Variants in XPC observed in about 807,000 individuals in gnomAD.
The protein encoded by XPC is DNA repair protein complementing XP-C cells.
XPC carries 76 observed loss-of-function variants against 95.8 expected under a neutral mutation model. The observed-to-expected ratio is 0.79, with a 90% CI of 0.66 to 0.96. XPC has a LOEUF of 0.96. XPC is among the 40% of genes least tolerant of loss of function. XPC has a pLI of 0.00. For synonymous variants in XPC, 442 were observed against 442.1 expected (o/e 1.00, Z 0.00); for missense variants, 1,146 against 1,179.8 (o/e 0.97, Z 0.42).
rs3731153 is a variant in XPC at position 14,152,316 on chromosome 3, A to AC, written c.2115+18dup. The AC allele has an allele frequency of 2.1e-3, 3,389 of 1,607,678 alleles. 10 individuals are homozygous for AC. Among genetic ancestry groups the AC allele is most frequent in the Non-Finnish European group, 2.5e-3 (2,916 of 1,177,242 alleles). On this transcript the variant is annotated intron_variant, in intron 11 of 15. Transcript: ENST00000285021. ...GCCTGTGTCACCACTCCCCACAGGG[A>AC]CCCCCCAGCTCCAGTTACCTTGTAG... is the stretch of plus-strand genomic sequence containing the variant.
intron 11 of XPC, chr3:14,149,544 C>G (rs1428045034): frequency 6.6e-6 from 1 of 152,266 alleles, no homozygotes; most frequent in Non-Finnish European, 1.5e-5. Context: ...TCACTACAAC[C>G]TCCACCTCCC....
intron 10 of XPC, among the ~76,000 whole-genome samples, chr3:14,155,741 G>A (rs2125020763): frequency 6.6e-6 from 1 of 152,236 alleles, no homozygotes; most frequent in South Asian, 2.1e-4. Flanking sequence ...TGTATTTTTA[G>A]TAGAGACAGG....
chr3:14,159,636 C>G (rs1006181497), intron 8 of XPC, 105 bp downstream of exon 8: 2 of 1,191,350 alleles, frequency 1.7e-6, no homozygotes, highest in Non-Finnish European at 2.4e-6. Flanking sequence ...AGAACCCACA[C>G]TCCGTGAATA....
At chr3:14,164,547 G>C in intron 7 of XPC, 1 of 328,456 alleles carries the variant, frequency 3.0e-6, no homozygotes, top group East Asian at 5.5e-5. Context: ...CGGGCTTTTT[G>C]GTACACCACA....
In XPC at chr3:14,145,935, C is replaced by A; in HGVS notation, c.*6G>T. The A allele has an allele frequency of 1.9e-6, 3 of 1,599,952 alleles. No individual in the cohort carries two copies. The highest frequency in any genetic ancestry group is 1.7e-6 in the Non-Finnish European group (2 of 1,169,448). On this transcript the variant is annotated 3_prime_UTR_variant, in exon 16 of 16. Transcript: ENST00000285021. ...CTGGTGGGTGCCCCTCTAGTGGGCG[C>A]TCAGCTCACAGCTGCTCAAATGGGA...
At position 14,170,509 on chromosome 3, in the gene XPC, C is replaced by G; in HGVS notation, c.341G>C (p.Arg114Thr). The change falls in exon 3 of 16, where the codon AGA (arginine) becomes ACA (threonine). Residue 114 changes from arginine (R) to threonine (T), a missense_variant. Arg to Thr is a moderately conservative substitution (Grantham distance 71, BLOSUM62 -1). Coordinates refer to ENST00000285021, the MANE Select transcript of XPC (RefSeq NM_004628.5). ...GCTGTCTTCATTCATGGTAGCCCCT[C>G]TCTTCAGATGGTGTGCCTTCTTGAG... ...SDLKKAHHLK[R>T]GATMNEDSNE... 1 of 1,613,774 alleles carries G rather than the reference C, an allele frequency of 6.2e-7. No homozygotes were observed. Among genetic ancestry groups the G allele is most frequent in the Non-Finnish European group, 8.5e-7 (1 of 1,179,714 alleles).
Position 14,170,474 on chromosome 3 carries a change from C to CT in XPC, c.375dup (p.Glu126ArgfsTer5), listed in dbSNP as rs1696564961. On this transcript the variant is annotated frameshift_variant, in exon 3 of 16. Coordinates refer to ENST00000285021, the MANE Select transcript of XPC (RefSeq NM_004628.5). LOFTEE classifies it high-confidence loss of function. ...TCCCAATCATTTTCACTTTCTTCCT[C>CT]TTCTTCATTGCTGTCTTCATTCATG... 6.2e-7 allele frequency: 1 copy of CT among 1,613,848 alleles called. No individual in the cohort carries two copies. Among genetic ancestry groups the CT allele is most frequent in the East Asian group, 2.2e-5 (1 of 44,862 alleles).
rs772673679 is a variant in XPC, at chr3:14,148,819, C to T, written c.2245G>A (p.Gly749Arg). ...EEYQPPVAVD[G>R]KVPRNEFGNV... Reference sequence around the variant, plus strand: ...CCTTCTGATGCTGCCCTTACCTTCCCGTCCACGGCCACTGGGGGCTGATAC... The same window carrying T: ...CCTTCTGATGCTGCCCTTACCTTCCTGTCCACGGCCACTGGGGGCTGATAC... Residue 749 changes from glycine to arginine, a missense_variant, in exon 12 of 16, where the codon GGG (glycine) becomes AGG (arginine). Coordinates refer to ENST00000285021, the MANE Select transcript of XPC (RefSeq NM_004628.5). 12 of 1,613,838 alleles carry T rather than the reference C, an allele frequency of 7.4e-6. No homozygotes were observed. Among genetic ancestry groups the T allele is most frequent in the Admixed American group, 5.0e-5 (3 of 60,002 alleles).
At chr3:14,147,697 C>T in intron 14 of XPC, 1 of 600,894 alleles carries the variant, frequency 1.7e-6, no homozygotes, top group South Asian at 2.1e-5. Flanking sequence ...ACCCCAGAGC[C>T]CGGACCCAGG....
At chr3:14,162,873 T>C (rs187935754) in intron 7 of XPC, among the ~76,000 whole-genome samples, 12 of 152,294 alleles carry the variant, frequency 7.9e-5, no homozygotes, top group African/African-American at 2.6e-4. Flanking sequence ...ATGTATCTGA[T>C]AGGTAACTAA....
intron 8 of XPC, 119 bp downstream of exon 8, chr3:14,159,622 C>T (rs1353235853): frequency 6.6e-6 from 7 of 1,055,918 alleles, no homozygotes; most frequent in Non-Finnish European, 8.5e-6. Flanking sequence ...GTGCAAGGCT[C>T]GAAAGAACCC....
intron 14 of XPC, 115 bp from the exon 15 acceptor site, chr3:14,147,494 C>A: frequency 9.9e-7 from 1 of 1,011,200 alleles, no homozygotes; most frequent in Non-Finnish European, 1.5e-6. Context: ...TAGAATATAG[C>A]CTCTCCTTCA....
Position 14,145,689 on chromosome 3 carries a change from T to C in XPC, c.*252A>G, listed in dbSNP as rs1363429300. On this transcript the variant is annotated 3_prime_UTR_variant, in exon 16 of 16. Coordinates refer to ENST00000285021, the MANE Select transcript of XPC (RefSeq NM_004628.5). ...AGTGTTCTGTAGCTCAAAGGGTGAGTGGGCTTTGGTAGCAAAAAGCTTTGA... is the reference window on the plus strand; with the variant it reads ...AGTGTTCTGTAGCTCAAAGGGTGAGCGGGCTTTGGTAGCAAAAAGCTTTGA... The C allele has an allele frequency of 1.4e-6, 1 of 699,706 alleles. No individual in the cohort carries two copies. Among genetic ancestry groups the C allele is most frequent in the Non-Finnish European group, 2.6e-6 (1 of 385,150 alleles). 43.3% of individuals were successfully genotyped at this position (699,706 alleles called of 1,614,324 possible). A position where few individuals can be genotyped will look rare whatever the true frequency, so the allele number is the denominator to read the frequency against.
rs763495270 is a variant in XPC, at chr3:14,145,616, A to G, written c.*325T>C. Reference sequence around the variant, plus strand: ...CTTCCATACAAAAACTGATGTTTCTAAAGATGGAAAGAACAGGTCTAGGAG... The same window carrying G: ...CTTCCATACAAAAACTGATGTTTCTGAAGATGGAAAGAACAGGTCTAGGAG... On this transcript the variant is annotated 3_prime_UTR_variant, in exon 16 of 16. Coordinates refer to ENST00000285021, the MANE Select transcript of XPC (RefSeq NM_004628.5). 6.4e-5 allele frequency: 45 copies of G among 699,344 alleles called. No individual in the cohort carries two copies. Among genetic ancestry groups the G allele is most frequent in the Non-Finnish European group, 2.6e-5 (10 of 384,750 alleles). 43.3% of individuals were successfully genotyped at this position (699,344 alleles called of 1,614,324 possible).
chr3:14,172,471 T>C (rs3731066), intron 2 of XPC, among the ~76,000 whole-genome samples: 2 of 152,046 alleles, frequency 1.3e-5, no homozygotes, highest in African/African-American at 4.8e-5. Context: ...AGTAGGAGAA[T>C]GTGTTCAGTG....
At position 14,167,218 on chromosome 3, in the gene XPC, C is replaced by T. The variant is rs575874780; in HGVS notation, c.572G>A (p.Arg191Gln). ...TTTATTGAAACGTTTCATCGCCCTCCGAAGATATGTCTCAAACTCCAGTTT... is the reference window on the plus strand; with the variant it reads ...TTTATTGAAACGTTTCATCGCCCTCTGAAGATATGTCTCAAACTCCAGTTT... ...KIKLEFETYL[R>Q]RAMKRFNKGV... The change falls in exon 5 of 16, where the codon CGG becomes CAG. Residue 191 changes from arginine (R) to glutamine (Q), a missense_variant. Arg to Gln is a conservative substitution (Grantham distance 43, BLOSUM62 1). Coordinates refer to ENST00000285021, the MANE Select transcript of XPC (RefSeq NM_004628.5). 99 of 1,610,864 alleles carry T rather than the reference C, an allele frequency of 6.1e-5. 1 individual carries two copies. In the East Asian group the frequency reaches 1.3e-3, roughly 20 times the overall value.
chr3:14,146,018 G>A lies in XPC; in HGVS notation c.2746C>T (p.Leu916=), dbSNP rs2125004822. ...QNREDEEKQK[L]KGGPKKTKRE... is the part of the protein sequence containing the mutation. ...TTGGTCTTCTTGGGCCCACCCTTCA[G>A]CTTCTGCTTTTCTTCATCTTCTCGG... Residue 916 remains leucine, a synonymous_variant, in exon 16 of 16, where the codon CTG becomes TTG. Transcript: ENST00000285021. 6.2e-7 allele frequency: 1 copy of A among 1,612,682 alleles called. No homozygotes were observed. The highest frequency in any genetic ancestry group is 8.5e-7 in the Non-Finnish European group (1 of 1,179,310).
chr3:14,164,982 A>G (rs754439144), intron 6 of XPC, 49 bp from the exon 7 acceptor site: 11 of 1,562,508 alleles, frequency 7.0e-6, no homozygotes, highest in Non-Finnish European at 8.6e-6. Context: ...GGCAAAGGGG[A>G]ATTTTCATTT....
At chr3:14,168,409 A>G in intron 3 of XPC, 29 bp from the exon 4 acceptor site, 1 of 1,612,554 alleles carries the variant, frequency 6.2e-7, no homozygotes, top group South Asian at 1.1e-5. Context: ...AAAAATCAGT[A>G]ATAGTAATAA....
Sources: allele counts gnomAD v4.1 joint callset (sites outside exome capture counted in the v4.1 genomes callset), GRCh38; gene constraint gnomAD v4.1.1; transcripts MANE v1.5; gene names NCBI Gene and HGNC (gene_info 2026-07-23, HGNC 2026-07-21).